The following JAKMIP3 variants were observed in gnomAD, a reference collection of about 807,000 sequenced individuals.
The protein encoded by JAKMIP3 is Janus kinase and microtubule interacting protein 3.
A neutral mutation model predicts 118.5 loss-of-function variants in JAKMIP3; 58 were observed. The ratio of observed to expected loss-of-function variants is 0.49; its 90% CI spans 0.40 to 0.61. The LOEUF (loss-of-function observed/expected upper bound fraction) is 0.61, where lower values mean the gene tolerates loss of function less well. Among genes scored for constraint, JAKMIP3 ranks in the 20% least tolerant of loss-of-function variants. The pLI is 0.00. For synonymous variants in JAKMIP3, 486 were observed against 451.2 expected, an observed-to-expected ratio of 1.08 and a Z score of -0.98; for missense variants, 950 against 1,109.0, an observed-to-expected ratio of 0.86 and a Z score of 2.04.
chr10:132,135,453 G>T (rs1237205099), intron 5 of JAKMIP3, among the ~76,000 whole-genome samples: 1 of 152,222 alleles, frequency 6.6e-6, no homozygotes, highest in Non-Finnish European at 1.5e-5. Context: ...TCTCAGTGGG[G>T]CTGTTGCCAT....
intron 1 of JAKMIP3, among the ~76,000 whole-genome samples, chr10:132,090,703 C>T (rs1285537478): frequency 6.6e-6 from 1 of 152,208 alleles, no homozygotes; most frequent in Middle Eastern, 3.2e-3. Context: ...TCTCTATCTC[C>T]TTCAATTCTG....
intron 13 of JAKMIP3, among the ~76,000 whole-genome samples, chr10:132,146,289 C>T (rs1000099516): frequency 6.6e-6 from 1 of 152,092 alleles, no homozygotes; most frequent in Non-Finnish European, 1.5e-5. Flanking sequence ...TTTCTCTCGG[C>T]ACCTCCCACC....
chr10:132,045,948 AT>A (rs1331126199), intron 1 of JAKMIP3, among the ~76,000 whole-genome samples: 45 of 150,964 alleles, frequency 3.0e-4, no homozygotes, highest in Non-Finnish European at 5.3e-4. Flanking sequence ...AAAAAAAAAA[AT>A]ACACACACTC....
intron 10 of JAKMIP3, 47 bp downstream of exon 10, chr10:132,140,626 G>T (rs1220433751): frequency 8.4e-7 from 1 of 1,196,442 alleles, no homozygotes; most frequent in Admixed American, 3.2e-5. Flanking sequence ...GAGGTAACGA[G>T]GGTCTCCTGC....
At chr10:132,131,283 G>T (rs893218681) in intron 3 of JAKMIP3, among the ~76,000 whole-genome samples, 1 of 150,908 alleles carries the variant, frequency 6.6e-6, no homozygotes, top group East Asian at 2.0e-4. Flanking sequence ...GTAAGGGTGT[G>T]GGGGGCTGGG....
rs1392538336 is a variant in JAKMIP3 at position 132,104,805 on chromosome 10, C to T, written c.-4C>T. 2 of 1,550,884 alleles carry T rather than the reference C, an allele frequency of 1.3e-6. No individual in the cohort carries two copies. Among genetic ancestry groups the T allele is most frequent in the South Asian group, 1.2e-5 (1 of 84,038 alleles). ...GGGCATCCCCCTGGCCATCCAGCCT[C>T]ACCATGTCCAAGAGGGGCATGAGCA... is the stretch of plus-strand genomic sequence containing the variant. On this transcript the variant is annotated 5_prime_UTR_variant, in exon 2 of 24. Transcript: ENST00000684848.
At chr10:132,176,855 G>A (rs1390821284) in intron 23 of JAKMIP3, among the ~76,000 whole-genome samples, 12 of 151,856 alleles carry the variant, frequency 7.9e-5, no homozygotes, top group Admixed American at 7.9e-4. Context: ...CGGATGCGCT[G>A]GTGCCGCGAC....
chr10:132,083,446 A>G (rs1457901900), intron 1 of JAKMIP3, among the ~76,000 whole-genome samples: 1 of 152,102 alleles, frequency 6.6e-6, no homozygotes, highest in African/African-American at 2.4e-5. Flanking sequence ...TGTCAGATGT[A>G]TAGATACTGA....
chr10:132,178,217 C>T (rs1292264764), intron 23 of JAKMIP3, among the ~76,000 whole-genome samples: 1 of 152,268 alleles, frequency 6.6e-6, no homozygotes, highest in African/African-American at 2.4e-5. Context: ...ACCATTCCAG[C>T]ATCCGTGTGA....
chr10:132,109,589 G>T (rs763977657), intron 2 of JAKMIP3, among the ~76,000 whole-genome samples: 1 of 152,124 alleles, frequency 6.6e-6, no homozygotes, highest in Non-Finnish European at 1.5e-5. Context: ...GCACCTGAGG[G>T]CCCTGAGGAT....
In JAKMIP3 at chr10:132,149,492, C is replaced by T. The variant is rs150346687; in HGVS notation, c.1929C>T (p.Cys643=). ...GGAAGAGCCCCCTCCAGGTGTACTG[C>T]GAGGCCGAAGGTGTGACGGTGAGTC... ...VDGKSPLQVY[C]EAEGVTDIVV... is the part of the protein sequence containing the mutation. The change falls in exon 15 of 24, where the codon TGC becomes TGT. Residue 643 remains cysteine, a synonymous_variant. Coordinates refer to ENST00000684848, the MANE Select transcript of JAKMIP3 (RefSeq NM_001323087.2). The T allele has an allele frequency of 2.8e-4, 451 of 1,594,622 alleles. 1 individual carries two copies. The African/African-American group carries it at 4.8e-3, about 17-fold the overall frequency.
At chr10:132,040,067 G>T (rs371622726) in intron 1 of JAKMIP3, among the ~76,000 whole-genome samples, 29 of 152,350 alleles carry the variant, frequency 1.9e-4, no homozygotes, top group Admixed American at 6.5e-4. Context: ...GGACCAAATT[G>T]TGTCCCCCAA....
At chr10:132,093,539 G>T (rs7904838) in intron 1 of JAKMIP3, among the ~76,000 whole-genome samples, 8,101 of 152,312 alleles carry the variant, frequency 0.053, 459 homozygotes, top group East Asian at 0.16. Flanking sequence ...CTCTGAGCCA[G>T]GCACGGGATA....
intron 1 of JAKMIP3, among the ~76,000 whole-genome samples, chr10:132,087,862 C>A (rs564448156): frequency 6.6e-6 from 1 of 152,002 alleles, no homozygotes; most frequent in African/African-American, 2.4e-5. Context: ...CCCCACTCCC[C>A]GCACCCCATG....
At chr10:132,047,081 C>T (rs868211306) in intron 1 of JAKMIP3, among the ~76,000 whole-genome samples, 1 of 152,132 alleles carries the variant, frequency 6.6e-6, no homozygotes, top group South Asian at 2.1e-4. Context: ...GAGACAGGTT[C>T]TCACTATGTT....
intron 3 of JAKMIP3, among the ~76,000 whole-genome samples, chr10:132,128,377 T>C (rs1262085630): frequency 6.6e-6 from 1 of 152,348 alleles, no homozygotes; most frequent in East Asian, 1.9e-4. Context: ...ATGATGTGTC[T>C]AGGTGTGTTT....
intron 1 of JAKMIP3, among the ~76,000 whole-genome samples, chr10:132,079,423 G>A (rs778805651): frequency 6.6e-6 from 1 of 152,080 alleles, no homozygotes; most frequent in Non-Finnish European, 1.5e-5. Context: ...ATGCATTTTC[G>A]TTTTTGTTGT....
At chr10:132,154,112 C>A (rs1261943755) in intron 19 of JAKMIP3, 122 bp downstream of exon 19, 9 of 758,234 alleles carry the variant, frequency 1.2e-5, no homozygotes, top group African/African-American at 1.0e-4. Flanking sequence ...CCCCTAATGG[C>A]CCCTAATGAC....
At chr10:132,165,821 C>T (rs73399707) in intron 21 of JAKMIP3, among the ~76,000 whole-genome samples, 3,331 of 152,332 alleles carry the variant, frequency 0.022, 109 homozygotes, top group African/African-American at 0.074. Flanking sequence ...TCCTGAGGAA[C>T]GAGTTACTCA....
Sources: allele counts gnomAD v4.1 joint callset (sites outside exome capture counted in the v4.1 genomes callset), GRCh38; gene constraint gnomAD v4.1.1; transcripts MANE v1.5; gene names NCBI Gene and HGNC (gene_info 2026-07-23, HGNC 2026-07-21).